The following WDHD1 variants were observed in gnomAD, a reference collection of about 807,000 sequenced individuals.
WDHD1 encodes WD repeat and HMG-box DNA-binding protein 1.
WDHD1 carries 111 observed loss-of-function variants against 135.4 expected under a neutral mutation model. That is an observed-to-expected ratio of 0.82 (90% CI 0.70 to 0.96). WDHD1 has a LOEUF of 0.96. WDHD1 is among the 40% of genes least tolerant of loss of function. The probability of loss-of-function intolerance (pLI) is 0.00; values close to 1 mark genes in which losing one functional copy is unlikely to be tolerated. For synonymous variants in WDHD1, 434 were observed against 439.0 expected (o/e 0.99, Z 0.14); for missense variants, 1,351 against 1,336.3 (o/e 1.01, Z -0.17).
At chr14:54,944,536 A>T (rs2040888970) in intron 24 of WDHD1, 66 bp from the exon 25 acceptor site, 3 of 1,448,752 alleles carry the variant, frequency 2.1e-6, no homozygotes, top group Non-Finnish European at 1.8e-6. Flanking sequence ...TCATGATTTT[A>T]AGTTAGTAAT....
At position 54,940,025 on chromosome 14, in the gene WDHD1, CA is replaced by C. The variant is rs2040816638; in HGVS notation, c.*1464del. Reference sequence around the variant, plus strand: ...AATTAGTTTGTATAGTATTCAGAATCAAACCTAATGACAAAGCAAGATGAAA... The same window carrying C: ...AATTAGTTTGTATAGTATTCAGAATCAACCTAATGACAAAGCAAGATGAAA... On this transcript the variant is annotated 3_prime_UTR_variant, in exon 26 of 26. Transcript: ENST00000360586. 6.6e-6 allele frequency: 1 copy of C among 152,168 alleles called. No individual in the cohort carries two copies. The highest frequency in any genetic ancestry group is 2.4e-5 in the African/African-American group (1 of 41,438). The allele number at this position is 152,168 out of a possible 1,614,324, so 9.4% of individuals were successfully genotyped here. A position where few individuals can be genotyped will look rare whatever the true frequency, so the allele number is the denominator to read the frequency against.
intron 16 of WDHD1, among the ~76,000 whole-genome samples, chr14:54,972,830 T>C (rs1190801047): frequency 6.6e-6 from 1 of 151,950 alleles, no homozygotes; most frequent in South Asian, 2.1e-4. Context: ...ATAGGTTAAG[T>C]GTTTATTAGA....
rs199870655 is a variant in WDHD1, at chr14:54,984,847, A to G, written c.1782T>C (p.Asp594=). The change falls in exon 15 of 26, where the codon GAT becomes GAC. Residue 594 remains aspartate (D), a synonymous_variant. Coordinates refer to ENST00000360586, the MANE Select transcript of WDHD1 (RefSeq NM_007086.4). ...FIVYHRGTGF[D]GDQCLGVQLL... ...GTTGAACTCCAAGGCACTGATCCCC[A>G]TCAAATCCTGTACCTAATGAGAAAA... 9.6e-5 allele frequency: 154 copies of G among 1,611,970 alleles called. 1 individual carries two copies. The East Asian group carries it at 3.0e-3, about 32-fold the overall frequency.
chr14:54,996,432 A>G (rs10130198), intron 10 of WDHD1, among the ~76,000 whole-genome samples: 6,692 of 151,320 alleles, frequency 0.044, 544 homozygotes, highest in African/African-American at 0.16. Flanking sequence ...ACATGATGAA[A>G]CCTCATCTCC....
chr14:54,998,545 T>A (rs550584334), intron 10 of WDHD1, among the ~76,000 whole-genome samples: 1 of 152,340 alleles, frequency 6.6e-6, no homozygotes, highest in African/African-American at 2.4e-5. Context: ...AGCCCCAATT[T>A]ACTTCTCTAC....
rs1566731915 is a variant in WDHD1 at position 54,993,519 on chromosome 14, TTGG to T, written c.1153+2081_1153+2083del. ...TTAGGAAACGATCATCTTCTGAGTC[TTGG>T]TGCAACATCAAAGAATATCCACAAT... On this transcript the variant is annotated intron_variant, in intron 11 of 25. Transcript: ENST00000360586. Among the ~76,000 whole-genome samples, 6 of 152,358 alleles carry T rather than the reference TTGG, an allele frequency of 3.9e-5. No homozygotes were observed. In the South Asian group the frequency reaches 1.2e-3, roughly 32 times the overall value.
At chr14:55,023,942 T>C (rs905499665) in intron 2 of WDHD1, among the ~76,000 whole-genome samples, 2 of 152,236 alleles carry the variant, frequency 1.3e-5, no homozygotes, top group East Asian at 1.9e-4. Flanking sequence ...CTTTTTATAA[T>C]AGATTTGTGT....
At chr14:55,025,519 A>G (rs2042422106) in intron 2 of WDHD1, among the ~76,000 whole-genome samples, 2 of 152,232 alleles carry the variant, frequency 1.3e-5, no homozygotes, top group South Asian at 4.1e-4. Flanking sequence ...TAATACAGGT[A>G]TCTTCTAACA....
chr14:54,960,096 T>G (rs2041226850), intron 21 of WDHD1, among the ~76,000 whole-genome samples: 1 of 152,226 alleles, frequency 6.6e-6, no homozygotes, highest in Non-Finnish European at 1.5e-5. Flanking sequence ...CTGCCCATTC[T>G]TTCTAACATC....
In WDHD1 at chr14:54,984,879, T is replaced by A; in HGVS notation, c.1769-19A>T. 1 of 1,606,274 alleles carries A rather than the reference T, an allele frequency of 6.2e-7. No homozygotes were observed. On this transcript the variant is annotated intron_variant, in intron 14 of 25. Transcript: ENST00000360586. ...CCTGTACCTAATGAGAAAATGTAAA[T>A]ATAAATCAGGCATCAAAGGTTATCC...
chr14:55,001,116 T>G (rs149245094), intron 8 of WDHD1, 124 bp from the exon 9 acceptor site: 313 of 541,440 alleles, frequency 5.8e-4, no homozygotes, highest in African/African-American at 5.5e-3. Flanking sequence ...TCAACCAAAT[T>G]CAAATTTTTA....
chr14:54,969,374 G>T (rs1475255441), intron 16 of WDHD1, among the ~76,000 whole-genome samples: 9 of 149,510 alleles, frequency 6.0e-5, no homozygotes, highest in Admixed American at 6.0e-4. Context: ...GAGAGAAAGA[G>T]AAAGTCCTCA....
chr14:55,026,075 C>T (rs866279942), intron 2 of WDHD1, among the ~76,000 whole-genome samples: 2 of 152,124 alleles, frequency 1.3e-5, no homozygotes, highest in African/African-American at 4.8e-5. Flanking sequence ...TCCAAAAAGA[C>T]CTTAAGCTCA....
intron 18 of WDHD1, among the ~76,000 whole-genome samples, chr14:54,965,058 T>A (rs552667615): frequency 6.6e-6 from 1 of 152,302 alleles, no homozygotes; most frequent in African/African-American, 2.4e-5. Flanking sequence ...AGAGTGGCAA[T>A]TTGCTCTGTG....
At chr14:54,948,362 G>C (rs1460399929) in intron 24 of WDHD1, among the ~76,000 whole-genome samples, 3 of 152,152 alleles carry the variant, frequency 2.0e-5, no homozygotes, top group Non-Finnish European at 4.4e-5. Flanking sequence ...CTAATACTGT[G>C]CTTTTCCAAT....
At chr14:55,017,728 A>T (rs147801026) in intron 2 of WDHD1, among the ~76,000 whole-genome samples, 2,713 of 152,356 alleles carry the variant, frequency 0.018, 51 homozygotes, top group Middle Eastern at 0.044. Context: ...GATTCTATCC[A>T]AATGAGCTGC....
At chr14:54,986,203 CA>C (rs1487504381) in intron 14 of WDHD1, among the ~76,000 whole-genome samples, 1 of 151,972 alleles carries the variant, frequency 6.6e-6, no homozygotes, top group African/African-American at 2.4e-5. Flanking sequence ...TTGCAACTAG[CA>C]TTTTAAAAAA....
chr14:54,984,262 A>C (rs1446406652), intron 15 of WDHD1, among the ~76,000 whole-genome samples: 1 of 152,232 alleles, frequency 6.6e-6, no homozygotes, highest in African/African-American at 2.4e-5. Context: ...TAGGAGGCCA[A>C]GGTGGGTGGA....
intron 21 of WDHD1, among the ~76,000 whole-genome samples, chr14:54,962,004 T>C (rs2041260122): frequency 6.6e-6 from 1 of 152,110 alleles, no homozygotes; most frequent in Non-Finnish European, 1.5e-5. Flanking sequence ...CCTCAGCTAA[T>C]TTTTGTATTT....
Sources: gnomAD v4.1 joint callset for allele counts (sites outside exome capture counted in the v4.1 genomes callset) on GRCh38, gnomAD v4.1.1 for gene constraint, MANE v1.5 for transcripts, NCBI Gene and HGNC (gene_info 2026-07-23, HGNC 2026-07-21) for gene names.